The following ATG10 variants were observed in gnomAD, a reference collection of about 807,000 sequenced individuals.
ATG10 encodes ubiquitin-like-conjugating enzyme ATG10.
ATG10 carries 30 observed loss-of-function variants against 32.1 expected under a neutral mutation model. That is an observed-to-expected ratio of 0.94 (90% CI 0.70 to 1.27). The LOEUF is 1.27. Ranked by LOEUF, ATG10 falls within the 50% of genes most tolerant of loss-of-function variation. The pLI is 0.00. For synonymous variants in ATG10, 87 were observed against 91.5 expected, an observed-to-expected ratio of 0.95 and a Z score of 0.28; for missense variants, 233 against 262.3, an observed-to-expected ratio of 0.89 and a Z score of 0.77.
intron 2 of ATG10, among the ~76,000 whole-genome samples, chr5:82,055,600 G>A (rs1006594757): frequency 3.3e-5 from 5 of 152,132 alleles, no homozygotes; most frequent in African/African-American, 1.2e-4. Context: ...CTCATTTAAT[G>A]AGCTATATTT....
intron 1 of ATG10, among the ~76,000 whole-genome samples, chr5:81,982,848 C>T (rs1761097100): frequency 6.6e-6 from 1 of 152,246 alleles, no homozygotes; most frequent in African/African-American, 2.4e-5. Context: ...CGAGTGGACA[C>T]AGCACATGTT....
At chr5:82,014,385 G>C (rs1486816663) in intron 2 of ATG10, among the ~76,000 whole-genome samples, 1 of 152,130 alleles carries the variant, frequency 6.6e-6, no homozygotes, top group Non-Finnish European at 1.5e-5. Context: ...GGGTATCCTT[G>C]TTAACTTTCT....
chr5:82,007,544 C>G (rs1478581446), intron 2 of ATG10, among the ~76,000 whole-genome samples: 1 of 152,136 alleles, frequency 6.6e-6, no homozygotes, highest in East Asian at 1.9e-4. Context: ...TCTCCGCCTA[C>G]TGGGCTCAAG....
intron 5 of ATG10, among the ~76,000 whole-genome samples, chr5:82,201,108 C>CT: frequency 6.6e-6 from 1 of 151,954 alleles, no homozygotes; most frequent in African/African-American, 2.4e-5. Context: ...TGGTCTTGAA[C>CT]TCCTGACCTC....
At chr5:82,133,218 G>A (rs1053105768) in intron 3 of ATG10, among the ~76,000 whole-genome samples, 3 of 152,018 alleles carry the variant, frequency 2.0e-5, no homozygotes, top group South Asian at 4.2e-4. Flanking sequence ...TTTCTTTTGC[G>A]GTGCAGAAGC....
intron 2 of ATG10, among the ~76,000 whole-genome samples, chr5:81,998,089 G>C (rs1761721952): frequency 6.6e-6 from 1 of 152,116 alleles, no homozygotes; most frequent in South Asian, 2.1e-4. Flanking sequence ...ATAGTAATCA[G>C]ATTCCCCAAG....
At chr5:81,987,734 GT>G in intron 2 of ATG10, 56 bp downstream of exon 2, 1 of 1,408,626 alleles carries the variant, frequency 7.1e-7, no homozygotes. Context: ...GTTTTGTTTT[GT>G]TTTGGTTTGT....
At chr5:82,037,563 T>G (rs1252256543) in intron 2 of ATG10, among the ~76,000 whole-genome samples, 1 of 152,204 alleles carries the variant, frequency 6.6e-6, no homozygotes, top group Non-Finnish European at 1.5e-5. Flanking sequence ...ACTTTTTATG[T>G]CTAATGTTGA....
chr5:82,004,879 A>G (rs796258968), intron 2 of ATG10, among the ~76,000 whole-genome samples: 9 of 152,344 alleles, frequency 5.9e-5, no homozygotes, highest in African/African-American at 2.2e-4. Flanking sequence ...GACTGGTAAC[A>G]ATTAATTCTC....
chr5:82,033,929 ATATG>A (rs1019513429), intron 2 of ATG10, among the ~76,000 whole-genome samples: 8 of 148,550 alleles, frequency 5.4e-5, no homozygotes, highest in African/African-American at 2.0e-4. Context: ...CTATATGTGT[ATATG>A]TATGTGTACT....
rs562745941 is a variant in ATG10, at chr5:82,083,028, G to A, written c.216+24426G>A. ...GTGGGTGCAGCCCATGGAGCAGGGC[G>A]AGGCATCGCCTCACCCGGGAAGCAC... On this transcript the variant is annotated intron_variant, in intron 3 of 7. Transcript: ENST00000282185. 1.9e-4 allele frequency among the ~76,000 whole-genome samples: 29 copies of A among 152,338 alleles called. No homozygotes were observed. In the South Asian group the frequency reaches 6.0e-3, roughly 32 times the overall value.
chr5:82,161,508 C>T (rs190766938), intron 3 of ATG10, among the ~76,000 whole-genome samples: 87 of 152,104 alleles, frequency 5.7e-4, no homozygotes, highest in South Asian at 5.4e-3. Context: ...GTGCTTAATT[C>T]GAGTTTGGGT....
intron 5 of ATG10, among the ~76,000 whole-genome samples, chr5:82,251,703 TAATC>T (rs1418786376): frequency 5.9e-5 from 9 of 152,326 alleles, no homozygotes; most frequent in East Asian, 1.9e-4. Context: ...ACAATACAAA[TAATC>T]AATAAATGTA....
At chr5:82,139,507 T>A (rs1330480877) in intron 3 of ATG10, among the ~76,000 whole-genome samples, 1 of 116,096 alleles carries the variant, frequency 8.6e-6, no homozygotes, top group African/African-American at 3.3e-5. Flanking sequence ...CCATCTGGGA[T>A]GTGAGGAGCG....
chr5:82,020,736 A>G (rs1407879835), intron 2 of ATG10, among the ~76,000 whole-genome samples: 1 of 152,190 alleles, frequency 6.6e-6, no homozygotes, highest in Non-Finnish European at 1.5e-5. Flanking sequence ...GAGAGAAAGT[A>G]GAAATACTCA....
At chr5:82,113,509 G>C (rs1765682077) in intron 3 of ATG10, among the ~76,000 whole-genome samples, 1 of 151,806 alleles carries the variant, frequency 6.6e-6, no homozygotes, top group African/African-American at 2.4e-5. Flanking sequence ...ATATTTATGT[G>C]ATGCAGTTCA....
At chr5:82,026,973 C>T (rs1054720292) in intron 2 of ATG10, among the ~76,000 whole-genome samples, 8 of 151,716 alleles carry the variant, frequency 5.3e-5, no homozygotes, top group African/African-American at 7.3e-5. Context: ...GCAGGAGAAT[C>T]GCTTGAACCC....
At chr5:82,128,901 G>T (rs972452101) in intron 3 of ATG10, among the ~76,000 whole-genome samples, 5 of 151,394 alleles carry the variant, frequency 3.3e-5, no homozygotes, top group Non-Finnish European at 5.9e-5. Flanking sequence ...TTGAATTTTG[G>T]CCTGTCTTGC....
At chr5:82,081,599 G>A (rs1764483346) in intron 3 of ATG10, among the ~76,000 whole-genome samples, 2 of 152,148 alleles carry the variant, frequency 1.3e-5, no homozygotes, top group Admixed American at 6.5e-5. Flanking sequence ...GGCCTTTTCT[G>A]CATCTATTGA....
Sources: allele counts gnomAD v4.1 joint callset (sites outside exome capture counted in the v4.1 genomes callset), GRCh38; gene constraint gnomAD v4.1.1; transcripts MANE v1.5; gene names NCBI Gene and HGNC (gene_info 2026-07-23, HGNC 2026-07-21).